Variants in INSL6 observed in about 807,000 individuals in gnomAD.
INSL6 encodes insulin like 6, also known as insulin-like peptide INSL6.
Under a neutral mutation model 9.4 loss-of-function variants are expected in INSL6, and 16 were observed. That is an observed-to-expected ratio of 1.70 (90% CI 1.15 to 2.59). The LOEUF is 2.59. Among genes scored for constraint, INSL6 ranks in the 30% most tolerant of loss-of-function variants. The pLI is 0.00. For missense variants in INSL6, 391 were observed against 257.3 expected, an observed-to-expected ratio of 1.52 and a Z score of -3.56; for synonymous variants, 154 against 96.9, an observed-to-expected ratio of 1.59 and a Z score of -3.46.
chr9:5,047,110 T>C, the INSL6 span, among the ~76,000 whole-genome samples: 6 of 152,224 alleles, frequency 3.9e-5, no homozygotes, highest in African/African-American at 1.4e-4. Context: ...AGCAATTTTC[T>C]ATTTTTTAAT....
intron 2 of INSL6, among the ~76,000 whole-genome samples, chr9:5,140,875 T>C (rs1379405503): frequency 1.3e-5 from 2 of 151,666 alleles, no homozygotes; most frequent in Non-Finnish European, 3.0e-5. Flanking sequence ...CTCCACCCTC[T>C]AATAGGCCCC....
At chr9:5,100,605 C>G in the INSL6 span, 1 of 152,246 alleles carries the variant, frequency 6.6e-6, no homozygotes, top group African/African-American at 2.4e-5. Context: ...GCATTTTTCC[C>G]CTCAAACGCT....
chr9:5,096,153 T>G, the INSL6 span, among the ~76,000 whole-genome samples: 1 of 152,150 alleles, frequency 6.6e-6, no homozygotes, highest in Non-Finnish European at 1.5e-5. Context: ...CATCCAATAA[T>G]ACGAAAATAA....
the INSL6 span, among the ~76,000 whole-genome samples, chr9:5,062,519 AAAAAAAAAAAAAG>A: frequency 6.7e-6 from 1 of 148,230 alleles, no homozygotes; most frequent in East Asian, 1.9e-4. Context: ...AAAAAAAAAA[AAAAAAAAAAAAAG>A]GTCATATCTG....
chr9:5,128,632 G>GTTTTATATAA lies in INSL6; in HGVS notation c.*11-4131_*11-4122dup, dbSNP rs1361301180. On this transcript the variant is annotated intron_variant, in intron 3 of 3. Coordinates refer to the INSL6 transcript ENST00000649639. ...ATTTTTTTAAATGCTTCATCTTTTA[G>GTTTTATATAA]TTTTATATAAAGAATCCCACATGTA... Among the ~76,000 whole-genome samples the GTTTTATATAA allele has an allele frequency of 3.3e-5, 5 of 151,892 alleles. No homozygotes were observed. The East Asian group carries it at 5.8e-4, about 18-fold the overall frequency.
the INSL6 span, among the ~76,000 whole-genome samples, chr9:5,106,290 T>C: frequency 2.6e-5 from 4 of 152,054 alleles, no homozygotes; most frequent in African/African-American, 9.7e-5. Flanking sequence ...AACAGACATA[T>C]AAAAAATGCT....
chr9:5,161,742 C>A (rs1290934987), downstream of INSL6, among the ~76,000 whole-genome samples: 4 of 152,092 alleles, frequency 2.6e-5, no homozygotes, highest in African/African-American at 9.7e-5. Flanking sequence ...GGTAAAGTTG[C>A]AGGATACAAA....
At position 5,175,608 on chromosome 9, in the gene INSL6, G is replaced by A. The variant is rs139876259; in HGVS notation, c.289+9706C>T. 1.2e-3 allele frequency among the ~76,000 whole-genome samples: 176 copies of A among 152,290 alleles called. 1 individual carries two copies. Among genetic ancestry groups the A allele is most frequent in the African/African-American group, 1.8e-3 (73 of 41,560 alleles). On this transcript the variant is annotated intron_variant, in intron 1 of 1. Transcript: ENST00000381641. ...GGAGGTAAGCAGTGGGCAGGCGAGC[G>A]AGCAAAGCTTCATCTATATTTACAG...
rs184885324 is a variant in INSL6 at position 5,130,731 on chromosome 9, T to A, written c.*10+2694A>T. On this transcript the variant is annotated intron_variant, in intron 3 of 3. Transcript: ENST00000649639. ...TTTTATTTTTTTTATTTTTTATTTTTTTTTTTATTTTTTTTGAGACGGAGT... is the reference window on the plus strand; with the variant it reads ...TTTTATTTTTTTTATTTTTTATTTTATTTTTTATTTTTTTTGAGACGGAGT... Among the ~76,000 whole-genome samples the A allele has an allele frequency of 2.5e-3, 371 of 150,586 alleles. 2 individuals carry two copies. Among genetic ancestry groups the A allele is most frequent in the African/African-American group, 4.8e-3 (197 of 41,280 alleles).
At chr9:5,105,431 A>G in the INSL6 span, among the ~76,000 whole-genome samples, 22 of 152,220 alleles carry the variant, frequency 1.4e-4, no homozygotes, top group Non-Finnish European at 2.5e-4. Context: ...AAACAAATGG[A>G]AGAACATTCC....
chr9:5,112,896 C>A, the INSL6 span: 1 of 350,568 alleles, frequency 2.9e-6, no homozygotes, highest in Non-Finnish European at 4.9e-6. Context: ...GCCCCGTGGG[C>A]TGGGCCCAGA....
At chr9:5,143,222 T>C (rs1033460762) in intron 2 of INSL6, among the ~76,000 whole-genome samples, 1 of 147,454 alleles carries the variant, frequency 6.8e-6, no homozygotes, top group Admixed American at 6.6e-5. Flanking sequence ...TACAGAGGAG[T>C]TCCTTCTCCT....
chr9:5,027,751 A>T, the INSL6 span, among the ~76,000 whole-genome samples: 1 of 152,244 alleles, frequency 6.6e-6, no homozygotes, highest in Non-Finnish European at 1.5e-5. Context: ...CAGCATCTTC[A>T]CCAGGAATAG....
the INSL6 span, among the ~76,000 whole-genome samples, chr9:5,076,327 C>A: frequency 6.6e-6 from 1 of 152,042 alleles, no homozygotes; most frequent in African/African-American, 2.4e-5. Context: ...AGAAATCTTT[C>A]ATGAAAGGAA....
chr9:5,073,322 G>T, the INSL6 span, among the ~76,000 whole-genome samples: 1 of 152,168 alleles, frequency 6.6e-6, no homozygotes, highest in African/African-American at 2.4e-5. Flanking sequence ...TAATTCTTTA[G>T]CAAGTGTTAT....
At position 5,177,867 on chromosome 9, in the gene INSL6, TC is replaced by T. The variant is rs566795306; in HGVS notation, c.289+7446del. Among the ~76,000 whole-genome samples, 30 of 152,102 alleles carry T rather than the reference TC, an allele frequency of 2.0e-4. No individual in the cohort carries two copies. The South Asian group carries it at 6.0e-3, about 31-fold the overall frequency. ...TGTGCCAGACTGTGGCCAGACTGCT[TC>T]TTTCTTTTTCTTCTTTTTCTTTTTT... On this transcript the variant is annotated intron_variant, in intron 1 of 1. Transcript: ENST00000381641.
chr9:5,005,972 T>G, the INSL6 span, among the ~76,000 whole-genome samples: 1 of 152,230 alleles, frequency 6.6e-6, no homozygotes, highest in African/African-American at 2.4e-5. Context: ...GACCTGGCGA[T>G]GCAGGCTCTT....
chr9:5,177,161 C>T (rs189989781), intron 1 of INSL6, among the ~76,000 whole-genome samples: 1 of 152,222 alleles, frequency 6.6e-6, no homozygotes. Flanking sequence ...GTGAATTCAG[C>T]ACCTTCAACT....
chr9:5,127,949 G>A (rs923096991), intron 3 of INSL6: 6 of 231,984 alleles, frequency 2.6e-5, no homozygotes, highest in African/African-American at 4.4e-5. Flanking sequence ...AATTCATAAC[G>A]TGTATCTTTA....
Sources: allele counts gnomAD v4.1 joint callset (sites outside exome capture counted in the v4.1 genomes callset), GRCh38; gene constraint gnomAD v4.1.1; transcripts MANE v1.5; gene names NCBI Gene and HGNC (gene_info 2026-07-23, HGNC 2026-07-21).